SI: variants seen among roughly 807,000 people sequenced by gnomAD.
The protein encoded by SI is sucrase-isomaltase, also known as sucrase-isomaltase, intestinal.
A neutral mutation model predicts 253.3 loss-of-function variants in SI; 235 were observed. That is an observed-to-expected ratio of 0.93 (90% CI 0.83 to 1.03). The LOEUF (loss-of-function observed/expected upper bound fraction) is 1.03. SI is among the 50% of genes least tolerant of loss of function. The pLI, the probability that SI is intolerant of heterozygous loss-of-function variation, is 0.00. For missense variants in SI, 2,442 were observed against 2,211.1 expected (o/e 1.10, Z -2.09); for synonymous variants, 819 against 712.0 (o/e 1.15, Z -2.39).
intron 37 of SI, among the ~76,000 whole-genome samples, chr3:164,999,612 T>C (rs1718171047): frequency 6.6e-6 from 1 of 151,674 alleles, no homozygotes; most frequent in Non-Finnish European, 1.5e-5. Context: ...GTCATTTCCT[T>C]GTTACAGCAG....
In SI at chr3:165,007,900, C is replaced by A. The variant is rs1718590648; in HGVS notation, c.4267+11G>T. On this transcript the variant is annotated intron_variant, in intron 36 of 47. Transcript: ENST00000264382. ...CATGATAATATCAAAGGCATACCAA[C>A]AATATTGTACCTGGGAAATAAGGTG... 2 of 1,441,480 alleles carry A rather than the reference C, an allele frequency of 1.4e-6. No homozygotes were observed. The highest frequency in any genetic ancestry group is 2.8e-5 in the African/African-American group (2 of 71,136). 89.3% of individuals were successfully genotyped at this position (1,441,480 alleles called of 1,614,324 possible).
intron 3 of SI, among the ~76,000 whole-genome samples, chr3:165,073,747 A>G (rs1055869976): frequency 3.3e-5 from 5 of 152,172 alleles, no homozygotes; most frequent in African/African-American, 1.2e-4. Context: ...AAAATAATGT[A>G]AATAAAAAAC....
At chr3:165,015,673 A>G (rs1270097419) in intron 32 of SI, among the ~76,000 whole-genome samples, 1 of 152,108 alleles carries the variant, frequency 6.6e-6, no homozygotes. Flanking sequence ...GATAACTCCC[A>G]TAAATAGAGG....
At chr3:165,027,735 A>AAAACATTTTAAACATTTT (rs1446387501) in intron 25 of SI, among the ~76,000 whole-genome samples, 1 of 151,386 alleles carries the variant, frequency 6.6e-6, no homozygotes, top group Non-Finnish European at 1.5e-5. Context: ...ATAGACACAG[A>AAAACATTTTAAACATTTT]AAAACATTTT....
chr3:165,040,904 A>G, intron 18 of SI, 36 bp downstream of exon 18: 2 of 1,531,496 alleles, frequency 1.3e-6, no homozygotes, highest in South Asian at 1.1e-5. Flanking sequence ...ACATACTTTA[A>G]AAGGTATTAT....
chr3:165,020,466 A>G (rs1273239951), intron 27 of SI, among the ~76,000 whole-genome samples: 1 of 151,676 alleles, frequency 6.6e-6, no homozygotes, highest in African/African-American at 2.4e-5. Context: ...ATCGAGAATA[A>G]TGCTTGTCAA....
Position 165,013,041 on chromosome 3 carries a change from A to C in SI, c.4001T>G (p.Val1334Gly), listed in dbSNP as rs778216480. The C allele has an allele frequency of 1.5e-5, 24 of 1,599,194 alleles. No individual in the cohort carries two copies. Among genetic ancestry groups the C allele is most frequent in the Non-Finnish European group, 2.0e-5 (23 of 1,166,774 alleles). ...TGTTATGTTGGGCAAATCTGGCCAA[A>C]CCTACAAGAGACAAGACATGGAAAA... is the stretch of plus-strand genomic sequence containing the variant. ...PNTNDICWAK[V>G]WPDLPNITID... is the part of the protein sequence containing the mutation. The change falls in exon 34 of 48, where the codon GTT (valine) becomes GGT (glycine). Residue 1334 changes from valine (V) to glycine (G), a missense_variant and splice_region_variant. Coordinates refer to ENST00000264382, the MANE Select transcript of SI (RefSeq NM_001041.4).
intron 15 of SI, among the ~76,000 whole-genome samples, chr3:165,048,595 A>G (rs780342118): frequency 9.5e-5 from 14 of 147,960 alleles, no homozygotes; most frequent in South Asian, 2.1e-4. Flanking sequence ...AGAGAGAGAG[A>G]GAGAGAGAGA....
the SI span, among the ~76,000 whole-genome samples, chr3:165,089,837 T>G: frequency 1.3e-5 from 2 of 151,890 alleles, no homozygotes. Context: ...CATGTAAGCA[T>G]CTACACAGGG....
chr3:164,996,663 T>C lies in SI; in HGVS notation c.4576-12A>G, dbSNP rs771364276. On this transcript the variant is annotated splice_polypyrimidine_tract_variant and intron_variant, in intron 39 of 47. Transcript: ENST00000264382. The stretch of plus-strand genomic sequence containing the variant: ...ATGTCTGCTCCAGTCTAAAATATAT[T>C]GTTATATTTAGTTAAATTTGAATAG... The C allele has an allele frequency of 4.2e-6, 6 of 1,436,758 alleles. No individual in the cohort carries two copies. In the Admixed American group the frequency reaches 5.0e-5, roughly 12 times the overall value. 89.0% of individuals were successfully genotyped at this position (1,436,758 alleles called of 1,614,324 possible).
chr3:165,024,489 C>T (rs1711797364), intron 25 of SI, among the ~76,000 whole-genome samples: 3 of 150,662 alleles, frequency 2.0e-5, no homozygotes, highest in African/African-American at 7.3e-5. Flanking sequence ...TGTGTGAGTC[C>T]TCATAAAAGC....
chr3:164,997,891 T>C (rs1298420759), intron 38 of SI, among the ~76,000 whole-genome samples: 2 of 151,872 alleles, frequency 1.3e-5, no homozygotes, highest in Non-Finnish European at 2.9e-5. Flanking sequence ...CTACCATTCA[T>C]GGGCATTTAG....
At chr3:165,088,674 A>T in the SI span, among the ~76,000 whole-genome samples, 1 of 152,076 alleles carries the variant, frequency 6.6e-6, no homozygotes, top group African/African-American at 2.4e-5. Flanking sequence ...AAATACACTT[A>T]AAAAATAAAA....
intron 40 of SI, among the ~76,000 whole-genome samples, chr3:164,994,682 C>A (rs750704625): frequency 6.6e-6 from 1 of 151,526 alleles, no homozygotes; most frequent in African/African-American, 2.4e-5. Flanking sequence ...TAATGGATGA[C>A]AAATATGTTG....
Position 165,043,094 on chromosome 3 carries a change from G to A in SI, c.1969C>T (p.Pro657Ser), listed in dbSNP as rs140611221. ...RRWMQLGAFY[P>S]FSRNHNSDGY... ...TCAGAATTATGGTTTCTGGAAAATGGATAAAATGCCCCAAGTTGCATCCAT... is the reference window on the plus strand; with the variant it reads ...TCAGAATTATGGTTTCTGGAAAATGAATAAAATGCCCCAAGTTGCATCCAT... The change falls in exon 17 of 48, where the codon CCA (proline) becomes TCA (serine). Residue 657 changes from proline (P) to serine (S), a missense_variant. By Grantham distance (74) the Pro-to-Ser change is moderately conservative. Transcript: ENST00000264382. 4.3e-6 allele frequency: 7 copies of A among 1,612,128 alleles called. No individual in the cohort carries two copies. The African/African-American group carries it at 8.0e-5, about 18-fold the overall frequency.
rs75060919 is a variant in SI at position 164,983,475 on chromosome 3, T to G, written c.5198-424A>C. Among the ~76,000 whole-genome samples, 1,187 of 152,332 alleles carry G rather than the reference T, an allele frequency of 7.8e-3. 11 individuals are homozygous for G. The highest frequency in any genetic ancestry group is 0.027 in the African/African-American group (1,132 of 41,578). ...GAAAAAAGAACATGGTAGCAATACA[T>G]TCTAGTGTCATTTGAAAAAACAAAT... On this transcript the variant is annotated intron_variant, in intron 45 of 47. Coordinates refer to ENST00000264382, the MANE Select transcript of SI (RefSeq NM_001041.4).
chr3:165,045,195 AC>A (rs1713041223), intron 16 of SI, among the ~76,000 whole-genome samples: 1 of 152,014 alleles, frequency 6.6e-6, no homozygotes, highest in African/African-American at 2.4e-5. Context: ...GTTTAGAGTC[AC>A]CTTTTATGTT....
At chr3:165,060,809 A>G (rs1576916568) in intron 9 of SI, among the ~76,000 whole-genome samples, 1 of 147,118 alleles carries the variant, frequency 6.8e-6, no homozygotes, top group South Asian at 2.1e-4. Flanking sequence ...AGGCTTTTAT[A>G]TACATATCAT....
chr3:165,010,288 T>C (rs372160860), intron 34 of SI, among the ~76,000 whole-genome samples: 2 of 152,052 alleles, frequency 1.3e-5, no homozygotes, highest in East Asian at 1.9e-4. Context: ...GCCTCCAGAG[T>C]AGGTGGGATT....
Sources: allele counts gnomAD v4.1 joint callset (sites outside exome capture counted in the v4.1 genomes callset), GRCh38; gene constraint gnomAD v4.1.1; transcripts MANE v1.5; gene names NCBI Gene and HGNC (gene_info 2026-07-23, HGNC 2026-07-21).